Variants in RPRD1B observed in about 807,000 individuals in gnomAD.
The protein encoded by RPRD1B is regulation of nuclear pre-mRNA domain containing 1B.
A neutral mutation model predicts 41.5 loss-of-function variants in RPRD1B; 11 were observed. The observed-to-expected ratio is 0.27, with a 90% CI of 0.17 to 0.44. The LOEUF is 0.44. RPRD1B is among the 20% of genes least tolerant of loss of function. RPRD1B has a pLI of 1.00. For missense variants in RPRD1B, 248 were observed against 389.9 expected (o/e 0.64, Z 3.06); for synonymous variants, 158 against 155.6 (o/e 1.02, Z -0.12).
At chr20:38,055,693 T>C (rs1260238665) in intron 3 of RPRD1B, among the ~76,000 whole-genome samples, 1 of 152,194 alleles carries the variant, frequency 6.6e-6, no homozygotes, top group Non-Finnish European at 1.5e-5. Flanking sequence ...CATTTGTCTT[T>C]ATGATCAATA....
intron 3 of RPRD1B, among the ~76,000 whole-genome samples, chr20:38,051,973 A>G (rs2074189768): frequency 6.6e-6 from 1 of 152,030 alleles, no homozygotes; most frequent in African/African-American, 2.4e-5. Context: ...CTGGTCCCGA[A>G]CTCCCAACCT....
intron 2 of RPRD1B, among the ~76,000 whole-genome samples, chr20:38,046,768 C>T (rs555692441): frequency 5.3e-5 from 8 of 151,910 alleles, no homozygotes; most frequent in East Asian, 3.9e-4. Context: ...GGTTGGAGGA[C>T]GGGGGTGGGG....
chr20:38,059,818 TG>T (rs2074279391), intron 5 of RPRD1B, among the ~76,000 whole-genome samples: 1 of 152,006 alleles, frequency 6.6e-6, no homozygotes, highest in Non-Finnish European at 1.5e-5. Context: ...GTGGGGTGGG[TG>T]GGGGAGATTA....
chr20:38,060,348 T>G (rs957599687), intron 5 of RPRD1B, among the ~76,000 whole-genome samples: 6 of 152,208 alleles, frequency 3.9e-5, no homozygotes, highest in African/African-American at 1.4e-4. Context: ...TTGACTTGGC[T>G]GCTTCTCTAA....
At chr20:38,084,035 C>G (rs188434092) in intron 6 of RPRD1B, 4 of 152,092 alleles carry the variant, frequency 2.6e-5, no homozygotes, top group Non-Finnish European at 2.9e-5. Flanking sequence ...TTTCCAGAAA[C>G]ATAATGAGGG....
Position 38,034,023 on chromosome 20 carries a change from C to T in RPRD1B, c.76C>T (p.Leu26=). 3 of 1,614,212 alleles carry T rather than the reference C, an allele frequency of 1.9e-6. No homozygotes were observed. Among genetic ancestry groups the T allele is most frequent in the African/African-American group, 2.7e-5 (2 of 75,076 alleles). The change falls in exon 1 of 7, where the codon CTG becomes TTG. Residue 26 remains leucine, a synonymous_variant. Coordinates refer to ENST00000373433, the MANE Select transcript of RPRD1B (RefSeq NM_021215.4). The part of the protein sequence containing the change: ...LSNSQQSVQT[L]SLWLIHHRKH... ...CAACTCTCAGCAGAGCGTGCAGACC[C>T]TGTCCCTTTGGCTCATCCACCACCG...
At chr20:38,083,145 A>G (rs1233665575) in intron 6 of RPRD1B, among the ~76,000 whole-genome samples, 4 of 152,168 alleles carry the variant, frequency 2.6e-5, no homozygotes, top group Non-Finnish European at 5.9e-5. Flanking sequence ...TAGTCCTTAA[A>G]GAAGCTAGTT....
At position 38,076,906 on chromosome 20, in the gene RPRD1B, C is replaced by CTTTTTTTTTTTTTTTTTTT. The variant is rs573460686; in HGVS notation, c.831+10662_831+10680dup. On this transcript the variant is annotated intron_variant, in intron 6 of 6. Coordinates refer to ENST00000373433, the MANE Select transcript of RPRD1B (RefSeq NM_021215.4). ...CCTTTAGCCTTTTCTCATTCTGGAC[C>CTTTTTTTTTTTTTTTTTTT]TTTTTTTTTTTTTTTTTTTTTTTTT... Among the ~76,000 whole-genome samples the CTTTTTTTTTTTTTTTTTTT allele has an allele frequency of 2.8e-4, 18 of 63,522 alleles. 2 individuals are homozygous for CTTTTTTTTTTTTTTTTTTT. Among genetic ancestry groups the CTTTTTTTTTTTTTTTTTTT allele is most frequent in the African/African-American group, 4.8e-4 (6 of 12,516 alleles). 41.7% of individuals were successfully genotyped at this position (63,522 alleles called of 152,430 possible).
At chr20:38,037,812 C>A (rs1250523456) in intron 1 of RPRD1B, among the ~76,000 whole-genome samples, 2 of 151,584 alleles carry the variant, frequency 1.3e-5, no homozygotes, top group Non-Finnish European at 2.9e-5. Flanking sequence ...AAGTATATAT[C>A]AGGTCTTGAA....
At chr20:38,046,951 C>T (rs1472875774) in intron 2 of RPRD1B, among the ~76,000 whole-genome samples, 3 of 152,070 alleles carry the variant, frequency 2.0e-5, no homozygotes, top group Non-Finnish European at 2.9e-5. Flanking sequence ...TTTGAAAACT[C>T]GAGAACAGGT....
At chr20:38,034,126 C>T (rs562507794) in intron 1 of RPRD1B, 28 bp downstream of exon 1, 2 of 1,602,440 alleles carry the variant, frequency 1.2e-6, no homozygotes, top group Non-Finnish European at 8.5e-7. Flanking sequence ...ACCCCCTGGA[C>T]GGTCCCCGGA....
At chr20:38,046,761 T>C (rs1382351078) in intron 2 of RPRD1B, among the ~76,000 whole-genome samples, 1 of 152,008 alleles carries the variant, frequency 6.6e-6, no homozygotes, top group Non-Finnish European at 1.5e-5. Flanking sequence ...GGCAGGAGGT[T>C]GGAGGACGGG....
At chr20:38,089,416 A>C (rs1314655417) in intron 6 of RPRD1B, among the ~76,000 whole-genome samples, 1 of 152,070 alleles carries the variant, frequency 6.6e-6, no homozygotes, top group African/African-American at 2.4e-5. Flanking sequence ...GCATTTTGAA[A>C]CTTTTGAGAA....
At position 38,090,372 on chromosome 20, in the gene RPRD1B, T is replaced by C; in HGVS notation, c.*497T>C. The C allele has an allele frequency of 2.0e-6, 2 of 986,264 alleles. No homozygotes were observed. The highest frequency in any genetic ancestry group is 2.4e-6 in the Non-Finnish European group (2 of 830,234). 61.1% of individuals were successfully genotyped at this position (986,264 alleles called of 1,614,324 possible). On this transcript the variant is annotated 3_prime_UTR_variant, in exon 7 of 7. Transcript: ENST00000373433. ...TGCCCCAAAAGGTTGTAGGCACAGC[T>C]GTCGTAGCGTTGCCATAAAGAGTTT...
chr20:38,066,293 T>A, intron 6 of RPRD1B, 37 bp downstream of exon 6: 1 of 1,594,764 alleles, frequency 6.3e-7, no homozygotes, highest in Non-Finnish European at 8.6e-7. Context: ...CTGCCCACGT[T>A]TCCCTTCCTG....
At chr20:38,043,912 A>G (rs1369240624) in intron 2 of RPRD1B, among the ~76,000 whole-genome samples, 1 of 152,206 alleles carries the variant, frequency 6.6e-6, no homozygotes, top group Non-Finnish European at 1.5e-5. Context: ...AGTGATGCCA[A>G]ATAGGCAGGT....
rs993703020 is a variant in RPRD1B at position 38,033,874 on chromosome 20, G to C, written c.-74G>C. 11 of 1,451,952 alleles carry C rather than the reference G, an allele frequency of 7.6e-6. No homozygotes were observed. In the African/African-American group the frequency reaches 1.6e-4, roughly 21 times the overall value. The allele number at this position is 1,451,952 out of a possible 1,614,324, so 89.9% of individuals were successfully genotyped here. ...CCCGCAGCCTGTCAGGTGAGGCCCCGGCCTCGTGCCGTCGCTCTTCCCGCC... is the reference window on the plus strand; with the variant it reads ...CCCGCAGCCTGTCAGGTGAGGCCCCCGCCTCGTGCCGTCGCTCTTCCCGCC... On this transcript the variant is annotated 5_prime_UTR_variant, in exon 1 of 7. Transcript: ENST00000373433.
chr20:38,089,983 C>T lies in RPRD1B; in HGVS notation c.*108C>T, dbSNP rs1179554453. 2.8e-5 allele frequency: 41 copies of T among 1,489,868 alleles called. No individual in the cohort carries two copies. The highest frequency in any genetic ancestry group is 5.6e-5 in the African/African-American group (4 of 71,262). 92.3% of individuals were successfully genotyped at this position (1,489,868 alleles called of 1,614,324 possible). ...TGGTTCTATCCCTTCTTCCGCCCAG[C>T]CCCCCAGCCTCAAGAAAGAACCTCA... On this transcript the variant is annotated 3_prime_UTR_variant, in exon 7 of 7. Transcript: ENST00000373433.
In RPRD1B at chr20:38,091,349, A is replaced by T. The variant is rs2074610285; in HGVS notation, c.*1474A>T. ...GAAACATAACCTATGTTTATAAAGC[A>T]TAACGGGCTTCCCTTCCAGAAGCTC... On this transcript the variant is annotated 3_prime_UTR_variant, in exon 7 of 7. Transcript: ENST00000373433. The T allele has an allele frequency of 2.0e-6, 2 of 985,526 alleles. No individual in the cohort carries two copies. The highest frequency in any genetic ancestry group is 3.5e-5 in the African/African-American group (2 of 57,254). 61.0% of individuals were successfully genotyped at this position (985,526 alleles called of 1,614,324 possible).
Sources: allele counts gnomAD v4.1 joint callset (sites outside exome capture counted in the v4.1 genomes callset), GRCh38; gene constraint gnomAD v4.1.1; transcripts MANE v1.5; gene names NCBI Gene and HGNC (gene_info 2026-07-23, HGNC 2026-07-21).